Variants in GFRA1 observed in about 807,000 individuals in gnomAD.
GFRA1 encodes the protein GDNF family receptor alpha-1.
In GFRA1, 16 loss-of-function variants were observed where a neutral mutation model predicts 51.6. The ratio of observed to expected loss-of-function variants is 0.31; its 90% CI spans 0.21 to 0.47. The LOEUF (loss-of-function observed/expected upper bound fraction) is 0.47. GFRA1 is among the 20% of genes least tolerant of loss of function. GFRA1 has a pLI of 1.00. For synonymous variants in GFRA1, 270 were observed against 241.3 expected, an observed-to-expected ratio of 1.12 and a Z score of -1.10; for missense variants, 530 against 594.3, an observed-to-expected ratio of 0.89 and a Z score of 1.13.
chr10:116,260,277 C>A lies in GFRA1; in HGVS notation c.418+9226G>T, dbSNP rs529451915. 2.6e-5 allele frequency among the ~76,000 whole-genome samples: 4 copies of A among 152,324 alleles called. No homozygotes were observed. The East Asian group carries it at 5.8e-4, about 22-fold the overall frequency. On this transcript the variant is annotated intron_variant, in intron 4 of 10. Coordinates refer to ENST00000355422, the MANE Select transcript of GFRA1 (RefSeq NM_005264.8). ...CTGCCTTTGTCACAGCCAGGACCAA[C>A]TGAAACACGTGTCAAGGAAGATCTT... is the stretch of plus-strand genomic sequence containing the variant.
At chr10:116,126,948 T>C (rs947342846) in intron 5 of GFRA1, among the ~76,000 whole-genome samples, 2 of 152,286 alleles carry the variant, frequency 1.3e-5, no homozygotes, top group African/African-American at 4.8e-5. Context: ...CGTAACAACA[T>C]GGATAAACCT....
At chr10:116,072,686 G>A (rs572235967) in intron 9 of GFRA1, among the ~76,000 whole-genome samples, 53 of 152,210 alleles carry the variant, frequency 3.5e-4, no homozygotes, top group African/African-American at 1.1e-3. Context: ...GCTTGAACCC[G>A]GGAGGGGGAG....
intron 4 of GFRA1, among the ~76,000 whole-genome samples, chr10:116,256,872 C>T (rs1034050619): frequency 5.3e-5 from 8 of 152,236 alleles, no homozygotes; most frequent in African/African-American, 1.7e-4. Flanking sequence ...TTCCAGAGGT[C>T]TGAGAAAGGC....
intron 9 of GFRA1, among the ~76,000 whole-genome samples, chr10:116,084,020 C>T (rs1222836887): frequency 2.0e-5 from 3 of 152,124 alleles, no homozygotes; most frequent in Admixed American, 1.3e-4. Flanking sequence ...AAGGTGTGAA[C>T]CTAGGCTGAA....
chr10:116,255,254 G>C (rs951842906), intron 4 of GFRA1, among the ~76,000 whole-genome samples: 1 of 152,156 alleles, frequency 6.6e-6, no homozygotes, highest in Non-Finnish European at 1.5e-5. Context: ...CCGCTTAATT[G>C]TGATGCATTA....
intron 4 of GFRA1, among the ~76,000 whole-genome samples, chr10:116,255,143 T>C (rs1003790515): frequency 2.0e-5 from 3 of 152,188 alleles, no homozygotes; most frequent in Non-Finnish European, 2.9e-5. Flanking sequence ...CTTCGACTTC[T>C]TTATATTTTG....
At chr10:116,080,028 C>T (rs1301051165) in intron 9 of GFRA1, among the ~76,000 whole-genome samples, 1 of 152,158 alleles carries the variant, frequency 6.6e-6, no homozygotes, top group Non-Finnish European at 1.5e-5. Flanking sequence ...TAAAGCAATG[C>T]CTCCTGAGTC....
At chr10:116,174,984 C>G (rs182924865) in intron 5 of GFRA1, among the ~76,000 whole-genome samples, 1 of 152,150 alleles carries the variant, frequency 6.6e-6, no homozygotes, top group Non-Finnish European at 1.5e-5. Context: ...ATGCGCTGTC[C>G]TAATCAGTTT....
chr10:116,221,003 T>C (rs2134496972), intron 4 of GFRA1, among the ~76,000 whole-genome samples: 1 of 152,322 alleles, frequency 6.6e-6, no homozygotes, highest in African/African-American at 2.4e-5. Flanking sequence ...GTCAGGGACA[T>C]TCTGTCCACT....
intron 4 of GFRA1, among the ~76,000 whole-genome samples, chr10:116,230,549 C>T (rs180825599): frequency 1.8e-4 from 28 of 152,312 alleles, no homozygotes; most frequent in Admixed American, 1.3e-3. Flanking sequence ...AGTCTATTCT[C>T]AGTAGAAATC....
chr10:116,198,798 A>G (rs1311250249), intron 5 of GFRA1, among the ~76,000 whole-genome samples: 3 of 152,144 alleles, frequency 2.0e-5, no homozygotes, highest in Non-Finnish European at 4.4e-5. Context: ...GTGGTTGAAT[A>G]ATTCTTTCCC....
At position 116,062,768 on chromosome 10, in the gene GFRA1, T is replaced by G. The variant is rs552186223; in HGVS notation, c.*1630A>C. 6.6e-6 allele frequency: 1 copy of G among 152,312 alleles called. No homozygotes were observed. The highest frequency in any genetic ancestry group is 2.4e-5 in the African/African-American group (1 of 41,554). The allele number at this position is 152,312 out of a possible 1,614,324, so 9.4% of individuals were successfully genotyped here. A position where few individuals can be genotyped will look rare whatever the true frequency, so the allele number is the denominator to read the frequency against. ...TCATTGTAGATTCGGAATCTCGCCA[T>G]CTAAACCAGACTTCAAAAGTGCACT... is the stretch of plus-strand genomic sequence containing the variant. On this transcript the variant is annotated 3_prime_UTR_variant, in exon 11 of 11. Transcript: ENST00000355422.
At chr10:116,074,746 G>T (rs1955543104) in intron 9 of GFRA1, among the ~76,000 whole-genome samples, 1 of 152,204 alleles carries the variant, frequency 6.6e-6, no homozygotes, top group African/African-American at 2.4e-5. Context: ...GCAGAGAGGA[G>T]GGATGCTCTT....
At chr10:116,243,383 C>T (rs1260194510) in intron 4 of GFRA1, among the ~76,000 whole-genome samples, 1 of 152,080 alleles carries the variant, frequency 6.6e-6, no homozygotes, top group Non-Finnish European at 1.5e-5. Flanking sequence ...CCATTTGAAT[C>T]CTTTTATCTA....
chr10:116,179,276 C>CT (rs1961974576), intron 5 of GFRA1, among the ~76,000 whole-genome samples: 2 of 152,178 alleles, frequency 1.3e-5, no homozygotes, highest in African/African-American at 4.8e-5. Flanking sequence ...GAGGTAAGTA[C>CT]TTTCATCACT....
intron 4 of GFRA1, among the ~76,000 whole-genome samples, chr10:116,229,910 C>T (rs760634827): frequency 4.6e-5 from 7 of 152,276 alleles, no homozygotes; most frequent in South Asian, 2.1e-4. Context: ...GACTGCCCTG[C>T]GGTGTCATGT....
intron 5 of GFRA1, among the ~76,000 whole-genome samples, chr10:116,205,596 GATATATATATAT>G (rs140642664): frequency 0.37 from 52,176 of 140,612 alleles, 10,101 homozygotes; most frequent in African/African-American, 0.51. Context: ...AAAAAAAAAA[GATATATATATAT>G]ATATATATAT....
intron 9 of GFRA1, among the ~76,000 whole-genome samples, chr10:116,074,872 T>C (rs144638296): frequency 6.6e-6 from 1 of 152,306 alleles, no homozygotes; most frequent in East Asian, 1.9e-4. Flanking sequence ...CTAGAAGTCC[T>C]AAGGATAAAA....
chr10:116,067,045 A>G (rs187688041), intron 9 of GFRA1, among the ~76,000 whole-genome samples: 4 of 152,378 alleles, frequency 2.6e-5, no homozygotes, highest in Non-Finnish European at 5.9e-5. Flanking sequence ...AATATGAAAT[A>G]GAAACCTTTA....
Sources: allele counts gnomAD v4.1 joint callset (sites outside exome capture counted in the v4.1 genomes callset), GRCh38; gene constraint gnomAD v4.1.1; transcripts MANE v1.5; gene names NCBI Gene and HGNC (gene_info 2026-07-23, HGNC 2026-07-21).